PALLD: variants seen among roughly 807,000 people sequenced by gnomAD.
PALLD encodes the protein palladin.
In PALLD, 61 loss-of-function variants were observed where a neutral mutation model predicts 123.5. The observed-to-expected ratio is 0.49, with a 90% CI of 0.40 to 0.61. PALLD has a LOEUF of 0.61. Among genes scored for constraint, PALLD ranks in the 20% least tolerant of loss-of-function variants. The pLI is 0.00. For missense variants in PALLD, 1,273 were observed against 1,377.0 expected, an observed-to-expected ratio of 0.92 and a Z score of 1.20; for synonymous variants, 465 against 496.4, an observed-to-expected ratio of 0.94 and a Z score of 0.84.
chr4:168,897,858 C>G (rs1755560744), intron 13 of PALLD: 1 of 151,018 alleles, frequency 6.6e-6, no homozygotes, highest in East Asian at 1.9e-4. Context: ...GCTAGACTGT[C>G]AGTCCTATTT....
At chr4:168,900,272 G>A (rs1234895147) in intron 14 of PALLD, among the ~76,000 whole-genome samples, 1 of 152,058 alleles carries the variant, frequency 6.6e-6, no homozygotes, top group Non-Finnish European at 1.5e-5. Flanking sequence ...AGATTTGGAG[G>A]GGACAGACAT....
chr4:168,687,690 G>A (rs1782209907), intron 6 of PALLD, among the ~76,000 whole-genome samples: 3 of 152,102 alleles, frequency 2.0e-5, no homozygotes, highest in Admixed American at 6.5e-5. Flanking sequence ...TGGGCACCAA[G>A]AGGAACTCTC....
At chr4:168,524,472 T>G (rs532549217) in intron 2 of PALLD, among the ~76,000 whole-genome samples, 3 of 152,340 alleles carry the variant, frequency 2.0e-5, no homozygotes, top group East Asian at 3.9e-4. Context: ...CTAATTTTTA[T>G]GGGTACATAG....
At chr4:168,918,036 T>C (rs980653676) in intron 17 of PALLD, among the ~76,000 whole-genome samples, 8 of 151,828 alleles carry the variant, frequency 5.3e-5, no homozygotes, top group Non-Finnish European at 7.4e-5. Flanking sequence ...CCATCTCTAC[T>C]AAAAATGCTA....
intron 1 of PALLD, among the ~76,000 whole-genome samples, chr4:168,503,646 CAAAAAA>C (rs35693126): frequency 3.6e-5 from 4 of 111,716 alleles, no homozygotes; most frequent in Admixed American, 9.3e-5. Context: ...GACTCCATCT[CAAAAAA>C]AAAAAAAAAG....
At chr4:168,899,386 A>G (rs1755953352) in intron 14 of PALLD, among the ~76,000 whole-genome samples, 1 of 152,138 alleles carries the variant, frequency 6.6e-6, no homozygotes. Flanking sequence ...CTAGAGCTTG[A>G]GTGAAAAGAA....
intron 10 of PALLD, among the ~76,000 whole-genome samples, chr4:168,761,645 G>GTTTTTTTTTTTTTTGTTTTTT (rs1732879211): frequency 1.1e-5 from 1 of 88,024 alleles, no homozygotes; most frequent in African/African-American, 4.1e-5. Context: ...GTTGTTGTTT[G>GTTTTTTTTTTTTTTGTTTTTT]TTTTTTTTTT....
At chr4:168,718,989 C>G (rs545646774) in intron 10 of PALLD, among the ~76,000 whole-genome samples, 2 of 150,020 alleles carry the variant, frequency 1.3e-5, no homozygotes, top group Admixed American at 1.3e-4. Context: ...TTCTCTGCAA[C>G]CTCCGCCTCC....
At chr4:168,619,988 T>C (rs1489584555) in intron 2 of PALLD, among the ~76,000 whole-genome samples, 1 of 152,050 alleles carries the variant, frequency 6.6e-6, no homozygotes, top group Non-Finnish European at 1.5e-5. Context: ...CACATTTTCC[T>C]GACTCACAAT....
chr4:168,763,003 C>T (rs1733164255), intron 10 of PALLD, among the ~76,000 whole-genome samples: 2 of 152,190 alleles, frequency 1.3e-5, no homozygotes, highest in South Asian at 4.2e-4. Flanking sequence ...GGGAGGGGAA[C>T]ATCACACACT....
chr4:168,562,752 C>T (rs1334383644), intron 2 of PALLD, among the ~76,000 whole-genome samples: 3 of 152,104 alleles, frequency 2.0e-5, no homozygotes. Context: ...GGAGGTGACC[C>T]TGAAAAGAAT....
intron 10 of PALLD, among the ~76,000 whole-genome samples, chr4:168,827,542 A>C (rs1743583401): frequency 1.3e-5 from 2 of 152,406 alleles, no homozygotes; most frequent in South Asian, 4.1e-4. Flanking sequence ...TTCTACTCTC[A>C]GAAACATTTT....
chr4:168,754,783 C>A (rs1310629570), intron 10 of PALLD, among the ~76,000 whole-genome samples: 1 of 152,132 alleles, frequency 6.6e-6, no homozygotes, highest in Non-Finnish European at 1.5e-5. Flanking sequence ...TTGCTTAGTG[C>A]TCAACTGTGC....
chr4:168,816,414 T>TATA (rs1554088402), intron 10 of PALLD, among the ~76,000 whole-genome samples: 7 of 123,794 alleles, frequency 5.7e-5, no homozygotes, highest in Non-Finnish European at 9.6e-5. Flanking sequence ...TATATATATA[T>TATA]TTTTTTTAAG....
chr4:168,531,791 G>T (rs1242076658), intron 2 of PALLD, among the ~76,000 whole-genome samples: 1 of 152,186 alleles, frequency 6.6e-6, no homozygotes, highest in African/African-American at 2.4e-5. Flanking sequence ...CAGAGGGCAT[G>T]TTAAACAGAG....
intron 10 of PALLD, among the ~76,000 whole-genome samples, chr4:168,854,222 A>G (rs1251772352): frequency 6.6e-6 from 1 of 152,134 alleles, no homozygotes; most frequent in Non-Finnish European, 1.5e-5. Flanking sequence ...AAGATAATAC[A>G]TTGTTGAACA....
intron 2 of PALLD, among the ~76,000 whole-genome samples, chr4:168,657,288 T>A (rs1183230766): frequency 1.3e-5 from 2 of 152,362 alleles, no homozygotes; most frequent in East Asian, 3.9e-4. Context: ...TTTAACTTTG[T>A]TTAACCCAGT....
chr4:168,892,698 T>C (rs949238448), intron 11 of PALLD, among the ~76,000 whole-genome samples: 3 of 152,014 alleles, frequency 2.0e-5, no homozygotes, highest in Non-Finnish European at 4.4e-5. Flanking sequence ...TGGGAACTTT[T>C]TCAAGCCAGG....
chr4:168,925,069 G>A lies in PALLD; in HGVS notation c.3349G>A (p.Asp1117Asn), dbSNP rs1389221540. The change falls in exon 20 of 22, where the codon GAC becomes AAC. Residue 1117 changes from aspartate (D) to asparagine (N), a missense_variant. Physicochemically the swap from Asp to Asn is conservative, Grantham distance 23. This residue lies in a region of PALLD where 329 missense variants were observed against 422.5 expected (regional missense o/e 0.78). Transcript: ENST00000505667. ...AGIVSCTARL[D>N]VYISRH is the part of the protein sequence containing the mutation. Reference sequence around the variant, plus strand: ...GATTGTGTCCTGTACTGCCAGGCTGGACGTTTACAGTGAGTGCCACTTCAT... The same window carrying A: ...GATTGTGTCCTGTACTGCCAGGCTGAACGTTTACAGTGAGTGCCACTTCAT... 1 of 1,614,092 alleles carries A rather than the reference G, an allele frequency of 6.2e-7. No homozygotes were observed. The highest frequency in any genetic ancestry group is 1.1e-5 in the South Asian group (1 of 91,072).
Sources: gnomAD v4.1 joint callset for allele counts (sites outside exome capture counted in the v4.1 genomes callset) on GRCh38, gnomAD v4.1.1 for gene constraint, gnomAD v4.1.1 regional missense constraint, MANE v1.5 for transcripts, NCBI Gene and HGNC (gene_info 2026-07-23, HGNC 2026-07-21) for gene names.